Variants in DGKB observed in about 807,000 individuals in gnomAD.
The protein encoded by DGKB is 90 kDa diacylglycerol kinase.
DGKB carries 67 observed loss-of-function variants against 114.3 expected under a neutral mutation model. The observed-to-expected ratio is 0.59, with a 90% CI of 0.48 to 0.72. The LOEUF is 0.72. Among genes scored for constraint, DGKB ranks in the 30% least tolerant of loss-of-function variants. DGKB has a pLI of 0.00. For missense variants in DGKB, 907 were observed against 975.2 expected (o/e 0.93, Z 0.93); for synonymous variants, 398 against 323.1 (o/e 1.23, Z -2.49).
chr7:14,419,840 A>C (rs1826388502), intron 21 of DGKB, among the ~76,000 whole-genome samples: 1 of 152,100 alleles, frequency 6.6e-6, no homozygotes, highest in South Asian at 2.1e-4. Context: ...GAACAGTCTC[A>C]AAGTCCTTGT....
In DGKB at chr7:14,245,137, G is replaced by GTATT. The variant is rs376780027; in HGVS notation, c.2123-66987_2123-66986insAATA. On this transcript the variant is annotated intron_variant, in intron 23 of 25. Transcript: ENST00000402815. ...AACTAATTTAGCCTCCAGATTTACT[G>GTATT]TATATTAGGGAAATGTGCATATGTA... is the stretch of plus-strand genomic sequence containing the variant. Among the ~76,000 whole-genome samples the GTATT allele has an allele frequency of 4.2e-3, 634 of 151,948 alleles. 6 individuals are homozygous for GTATT. The highest frequency in any genetic ancestry group is 0.013 in the East Asian group (67 of 5,150).
intron 23 of DGKB, among the ~76,000 whole-genome samples, chr7:14,228,424 A>T (rs1791174462): frequency 6.6e-6 from 1 of 151,930 alleles, no homozygotes; most frequent in Admixed American, 6.6e-5. Context: ...TGTGAATGGG[A>T]GTTTCAACTC....
At chr7:14,400,783 A>T (rs905770140) in intron 21 of DGKB, among the ~76,000 whole-genome samples, 5 of 151,726 alleles carry the variant, frequency 3.3e-5, no homozygotes, top group African/African-American at 1.2e-4. Context: ...AATGTGGCTT[A>T]AGGACATATT....
At chr7:14,674,193 A>C (rs577223141) in intron 12 of DGKB, among the ~76,000 whole-genome samples, 1 of 152,036 alleles carries the variant, frequency 6.6e-6, no homozygotes, top group African/African-American at 2.4e-5. Context: ...ACATTACATG[A>C]AATAAACGTA....
chr7:14,485,712 C>A (rs1008991040), intron 20 of DGKB, among the ~76,000 whole-genome samples: 1 of 141,504 alleles, frequency 7.1e-6, no homozygotes, highest in Non-Finnish European at 1.5e-5. Flanking sequence ...TGGTGAAACC[C>A]CATCTCTACT....
intron 21 of DGKB, among the ~76,000 whole-genome samples, chr7:14,408,227 G>A (rs2128740539): frequency 6.6e-6 from 1 of 152,118 alleles, no homozygotes; most frequent in South Asian, 2.1e-4. Context: ...GATTGATTGG[G>A]ATTTTATAGA....
chr7:14,356,312 C>T (rs1029969658), intron 21 of DGKB, among the ~76,000 whole-genome samples: 2 of 137,660 alleles, frequency 1.5e-5, no homozygotes, highest in African/African-American at 5.5e-5. Context: ...TTCTTGCCTT[C>T]TGTTAGCTTT....
chr7:14,734,370 G>A (rs1831395202), intron 5 of DGKB, among the ~76,000 whole-genome samples: 1 of 152,110 alleles, frequency 6.6e-6, no homozygotes, highest in Non-Finnish European at 1.5e-5. Flanking sequence ...TCTACTTTGT[G>A]ATACTAGAGC....
intron 21 of DGKB, among the ~76,000 whole-genome samples, chr7:14,373,249 G>T (rs111446307): frequency 1.5e-4 from 23 of 152,218 alleles, no homozygotes; most frequent in African/African-American, 5.5e-4. Flanking sequence ...TTATTTTGGG[G>T]CTGTTTGTTA....
intron 23 of DGKB, among the ~76,000 whole-genome samples, chr7:14,321,901 A>G (rs189984930): frequency 2.6e-5 from 4 of 152,318 alleles, no homozygotes; most frequent in African/African-American, 4.8e-5. Flanking sequence ...GGAAAGCTAT[A>G]CCATGTTCAC....
intron 20 of DGKB, among the ~76,000 whole-genome samples, chr7:14,504,862 T>A (rs928722438): frequency 2.6e-5 from 4 of 152,214 alleles, no homozygotes; most frequent in Non-Finnish European, 5.9e-5. Flanking sequence ...ACTAGATGAT[T>A]TCTTTTAACC....
At chr7:14,715,794 A>C (rs75241999) in intron 6 of DGKB, among the ~76,000 whole-genome samples, 3,965 of 152,294 alleles carry the variant, frequency 0.026, 85 homozygotes, top group South Asian at 0.048. Flanking sequence ...TATAACATTG[A>C]TAAGCAAAAA....
chr7:14,963,736 A>T (rs1342057396), intron 1 of DGKB, among the ~76,000 whole-genome samples: 1 of 152,122 alleles, frequency 6.6e-6, no homozygotes, highest in African/African-American at 2.4e-5. Context: ...GGTTTTAAGT[A>T]TGTGCTAAAT....
chr7:14,151,306 C>T (rs558787143), intron 25 of DGKB, among the ~76,000 whole-genome samples: 95 of 151,940 alleles, frequency 6.3e-4, no homozygotes, highest in African/African-American at 2.1e-3. Flanking sequence ...AGAAATATAT[C>T]TTCCTAGCCA....
intron 23 of DGKB, among the ~76,000 whole-genome samples, chr7:14,267,380 T>C (rs1430337635): frequency 6.6e-6 from 1 of 152,146 alleles, no homozygotes; most frequent in Non-Finnish European, 1.5e-5. Flanking sequence ...TGTGCTAAGA[T>C]GCCAAGTGAT....
At chr7:14,923,210 C>T (rs984240631) in intron 1 of DGKB, among the ~76,000 whole-genome samples, 3 of 152,088 alleles carry the variant, frequency 2.0e-5, no homozygotes, top group African/African-American at 7.2e-5. Context: ...TTTCTAATTT[C>T]ACTATAATAT....
At position 14,646,558 on chromosome 7, in the gene DGKB, T is replaced by C. The variant is rs1563777838; in HGVS notation, c.1135-16290A>G. On this transcript the variant is annotated intron_variant, in intron 13 of 25. Coordinates refer to ENST00000402815, the MANE Select transcript of DGKB (RefSeq NM_001350709.2). ...AACACACATTATTCTCCTCAGGACATGGGACATTTGCAAGGATAGACTGTA... is the reference window on the plus strand; with the variant it reads ...AACACACATTATTCTCCTCAGGACACGGGACATTTGCAAGGATAGACTGTA... Among the ~76,000 whole-genome samples, 2 of 152,142 alleles carry C rather than the reference T, an allele frequency of 1.3e-5. 1 individual carries two copies. The highest frequency in any genetic ancestry group is 4.1e-4 in the South Asian group (2 of 4,830).
At chr7:14,231,388 T>C (rs1335027497) in intron 23 of DGKB, among the ~76,000 whole-genome samples, 1 of 151,960 alleles carries the variant, frequency 6.6e-6, no homozygotes, top group East Asian at 1.9e-4. Context: ...TCCACCTGCC[T>C]TGGCCTCCCC....
At chr7:14,625,215 G>A (rs1338504386) in intron 14 of DGKB, among the ~76,000 whole-genome samples, 3 of 151,928 alleles carry the variant, frequency 2.0e-5, no homozygotes, top group South Asian at 2.1e-4. Flanking sequence ...ACAGACACAC[G>A]CATCAAGAAA....
Sources: allele counts gnomAD v4.1 joint callset (sites outside exome capture counted in the v4.1 genomes callset), GRCh38; gene constraint gnomAD v4.1.1; transcripts MANE v1.5; gene names NCBI Gene and HGNC (gene_info 2026-07-23, HGNC 2026-07-21).